ARHGEF18: variants seen among roughly 807,000 people sequenced by gnomAD.
ARHGEF18 encodes rho guanine nucleotide exchange factor 18.
In ARHGEF18, 93 loss-of-function variants were observed where a neutral mutation model predicts 155.7. That is an observed-to-expected ratio of 0.60 (90% confidence interval 0.50 to 0.71). The LOEUF (loss-of-function observed/expected upper bound fraction) is 0.71, where lower values mean the gene tolerates loss of function less well. Ranked by LOEUF, ARHGEF18 falls within the 30% of genes least tolerant of loss-of-function variation. The probability of loss-of-function intolerance (pLI) is 0.00; values close to 1 mark genes in which losing one functional copy is unlikely to be tolerated. For synonymous variants in ARHGEF18, 742 were observed against 753.1 expected (o/e 0.99, Z 0.24); for missense variants, 1,593 against 1,816.1 (o/e 0.88, Z 2.23).
At position 7,395,283 on chromosome 19, in the gene ARHGEF18, G is replaced by A. The variant is rs1971632139; in HGVS notation, c.967+12080G>A. 2 of 985,740 alleles carry A rather than the reference G, an allele frequency of 2.0e-6. No individual in the cohort carries two copies. Among genetic ancestry groups the A allele is most frequent in the Admixed American group, 6.1e-5 (1 of 16,262 alleles). 61.1% of individuals were successfully genotyped at this position (985,740 alleles called of 1,614,324 possible). A position where few individuals can be genotyped will look rare whatever the true frequency, so the allele number is the denominator to read the frequency against. On this transcript the variant is annotated intron_variant, in intron 10 of 28. Transcript: ENST00000668164. This position sits in a 1 kb window ranked among gnomAD's most constrained non-coding sequence, Gnocchi z 5.0. ...CGGCGGGGCGGTCCCGAGGAAAACGGGGCTCAGGAGGGGGCCCTCGGTCTC... is the reference window on the plus strand; with the variant it reads ...CGGCGGGGCGGTCCCGAGGAAAACGAGGCTCAGGAGGGGGCCCTCGGTCTC...
At chr19:7,382,478 G>T (rs1970796519) in intron 8 of ARHGEF18, among the ~76,000 whole-genome samples, 1 of 151,796 alleles carries the variant, frequency 6.6e-6, no homozygotes, top group Non-Finnish European at 1.5e-5. Flanking sequence ...TGAATTAGAG[G>T]GAGAAATCAT....
intron 10 of ARHGEF18, among the ~76,000 whole-genome samples, chr19:7,385,539 G>C (rs529135434): frequency 6.6e-6 from 1 of 150,638 alleles, no homozygotes; most frequent in East Asian, 2.0e-4. Flanking sequence ...GCAGTGGCAC[G>C]ATCATAGCTC....
intron 5 of ARHGEF18, among the ~76,000 whole-genome samples, chr19:7,377,727 G>A (rs1433855195): frequency 6.6e-6 from 1 of 151,266 alleles, no homozygotes; most frequent in East Asian, 2.0e-4. Context: ...GGTCAAGGCT[G>A]CAGTGAGTTC....
intron 1 of ARHGEF18, among the ~76,000 whole-genome samples, chr19:7,352,832 C>CTTTT (rs587602037): frequency 0.44 from 22,018 of 49,756 alleles, 8,675 homozygotes; most frequent in Non-Finnish European, 0.56. Context: ...CGTGCCTGGC[C>CTTTT]TTTTTTTTTT....
At chr19:7,375,646 C>T (rs968486154) in intron 3 of ARHGEF18, 74 bp from the exon 4 acceptor site, 2 of 1,225,420 alleles carry the variant, frequency 1.6e-6, no homozygotes, top group East Asian at 3.2e-5. Context: ...TCTTTCAAGC[C>T]CCCCTGGATG....
intron 10 of ARHGEF18, among the ~76,000 whole-genome samples, chr19:7,434,871 A>G (rs1477643688): frequency 6.6e-6 from 1 of 152,194 alleles, no homozygotes; most frequent in Non-Finnish European, 1.5e-5. Flanking sequence ...CTTTTAGTAT[A>G]TTCAGAGTCA....
chr19:7,469,253 G>C, intron 27 of ARHGEF18, 122 bp downstream of exon 27: 2 of 1,245,932 alleles, frequency 1.6e-6, no homozygotes, highest in Non-Finnish European at 2.2e-6. Flanking sequence ...AAACCAGAAG[G>C]CACAGCTGGC....
Position 7,456,364 on chromosome 19 carries a change from G to C in ARHGEF18, c.2142G>C (p.Leu714=). 1 of 1,614,184 alleles carries C rather than the reference G, an allele frequency of 6.2e-7. No individual in the cohort carries two copies. Among genetic ancestry groups the C allele is most frequent in the Non-Finnish European group, 8.5e-7 (1 of 1,180,028 alleles). ...LAILLTDVLL[L]LQEKDQKYVF... is the part of the protein sequence containing the mutation. ...TCCTGCTGACCGACGTACTTTTGCT[G>C]CTACAAGAAAAAGATCAGAAATACG... is the stretch of plus-strand genomic sequence containing the variant. The change falls in exon 18 of 29, where the codon CTG becomes CTC. Residue 714 remains leucine (L), a synonymous_variant. Transcript: ENST00000668164.
chr19:7,473,695 A>G (rs1238570360), downstream of ARHGEF18, among the ~76,000 whole-genome samples: 3 of 151,476 alleles, frequency 2.0e-5, no homozygotes, highest in Non-Finnish European at 2.9e-5. Flanking sequence ...CTGTAGTCCC[A>G]GCTACTCGGG....
At chr19:7,424,007 A>T (rs180893160) in intron 10 of ARHGEF18, among the ~76,000 whole-genome samples, 1 of 152,042 alleles carries the variant, frequency 6.6e-6, no homozygotes, top group Admixed American at 6.6e-5. Context: ...CTCCACTTTG[A>T]GGTTTTTATG....
intron 1 of ARHGEF18, among the ~76,000 whole-genome samples, chr19:7,361,161 T>G (rs1179551777): frequency 6.6e-6 from 1 of 152,186 alleles, no homozygotes; most frequent in African/African-American, 2.4e-5. Context: ...TTAGGCCAGG[T>G]GCAATGGCTC....
At position 7,395,213 on chromosome 19, in the gene ARHGEF18, C is replaced by T; in HGVS notation, c.967+12010C>T. The T allele has an allele frequency of 2.0e-6, 2 of 986,344 alleles. No homozygotes were observed. The highest frequency in any genetic ancestry group is 1.7e-5 in the African/African-American group (1 of 57,388). 61.1% of individuals were successfully genotyped at this position (986,344 alleles called of 1,614,324 possible). The stretch of plus-strand genomic sequence containing the variant: ...GGCGGCTGCGAGAGTGGCAGAGGAG[C>T]TGGCGGAGAGCGGCCTGCGGGCGAT... On this transcript the variant is annotated intron_variant, in intron 10 of 28. Coordinates refer to ENST00000668164, the MANE Select transcript of ARHGEF18 (RefSeq NM_001367823.1). This position sits in a 1 kb window ranked among gnomAD's most constrained non-coding sequence, Gnocchi z 5.0.
chr19:7,421,596 TA>T (rs1168896823), intron 10 of ARHGEF18, among the ~76,000 whole-genome samples: 1 of 152,046 alleles, frequency 6.6e-6, no homozygotes, highest in Non-Finnish European at 1.5e-5. Context: ...AACCCGTCTC[TA>T]CTAAAAATAC....
chr19:7,473,445 G>A (rs193085258), downstream of ARHGEF18: 1 of 376,704 alleles, frequency 2.7e-6, no homozygotes, highest in African/African-American at 2.1e-5. Flanking sequence ...TGAGGCAGGA[G>A]GATAGCTTGA....
At chr19:7,460,025 C>A in intron 20 of ARHGEF18, 31 bp downstream of exon 20, 1 of 1,549,508 alleles carries the variant, frequency 6.5e-7, no homozygotes, top group South Asian at 1.2e-5. Flanking sequence ...GGGCACACCC[C>A]TTGTGTGGTG....
chr19:7,387,441 C>CT (rs1971147307), intron 10 of ARHGEF18, among the ~76,000 whole-genome samples: 1 of 152,006 alleles, frequency 6.6e-6, no homozygotes, highest in Non-Finnish European at 1.5e-5. Context: ...CGTGAGCCAC[C>CT]GCGCCCAGCG....
Position 7,379,172 on chromosome 19 carries a change from T to C in ARHGEF18, c.644+6T>C. 1 of 1,232,406 alleles carries C rather than the reference T, an allele frequency of 8.1e-7. No individual in the cohort carries two copies. Among genetic ancestry groups the C allele is most frequent in the Non-Finnish European group, 1.0e-6 (1 of 988,314 alleles). The allele number at this position is 1,232,406 out of a possible 1,614,324, so 76.3% of individuals were successfully genotyped here. Reference sequence around the variant, plus strand: ...GAACTTCGACAGTACCATGGGTAAGTGGGAATCGGGACAGGCTTGAGGGGA... The same window carrying C: ...GAACTTCGACAGTACCATGGGTAAGCGGGAATCGGGACAGGCTTGAGGGGA... On this transcript the variant is annotated splice_donor_region_variant and intron_variant, in intron 7 of 28. Coordinates refer to ENST00000668164, the MANE Select transcript of ARHGEF18 (RefSeq NM_001367823.1).
At chr19:7,456,860 A>G (rs915654523) in intron 18 of ARHGEF18, among the ~76,000 whole-genome samples, 55 of 152,338 alleles carry the variant, frequency 3.6e-4, no homozygotes, top group Middle Eastern at 3.4e-3. Flanking sequence ...TTCCAGGCCC[A>G]CATAGCTGGG....
intron 10 of ARHGEF18, among the ~76,000 whole-genome samples, chr19:7,397,590 G>A (rs1252228744): frequency 6.6e-6 from 1 of 152,062 alleles, no homozygotes; most frequent in African/African-American, 2.4e-5. Context: ...AAAATTAGCT[G>A]GGCATGATGG....
Sources: allele counts gnomAD v4.1 joint callset (sites outside exome capture counted in the v4.1 genomes callset), GRCh38; gene constraint gnomAD v4.1.1; non-coding constraint Gnocchi (gnomAD v3.1); transcripts MANE v1.5; gene names NCBI Gene and HGNC (gene_info 2026-07-23, HGNC 2026-07-21).